The following MAST4 variants were observed in gnomAD, a reference collection of about 807,000 sequenced individuals.
MAST4 encodes the protein microtubule-associated serine/threonine-protein kinase 4.
MAST4 carries 89 observed loss-of-function variants against 162.7 expected under a neutral mutation model. The ratio of observed to expected loss-of-function variants is 0.55; its 90% confidence interval spans 0.46 to 0.65. The LOEUF is 0.65. MAST4 is among the 30% of genes least tolerant of loss of function. The pLI is 0.00. For missense variants in MAST4, 3,153 were observed against 3,374.0 expected, an observed-to-expected ratio of 0.93 and a Z score of 1.62; for synonymous variants, 1,479 against 1,361.1, an observed-to-expected ratio of 1.09 and a Z score of -1.91.
intron 4 of MAST4, among the ~76,000 whole-genome samples, chr5:66,939,753 T>A (rs1191234190): frequency 6.6e-6 from 1 of 152,132 alleles, no homozygotes; most frequent in African/African-American, 2.4e-5. Flanking sequence ...TTTTGTTTTT[T>A]TTTTTCCCCA....
chr5:66,854,547 GTTC>G (rs1183232965), intron 3 of MAST4, among the ~76,000 whole-genome samples: 1 of 152,080 alleles, frequency 6.6e-6, no homozygotes, highest in East Asian at 1.9e-4. Context: ...TCCTTGTCAT[GTTC>G]TTCTGCTCAT....
rs576708256 is a variant in MAST4 at position 67,130,477 on chromosome 5, T to C, written c.1954+59T>C. On this transcript the variant is annotated intron_variant, in intron 15 of 28. Transcript: ENST00000403625. Reference sequence around the variant, plus strand: ...AGGAATCCCTTGCTCATTTGTGTTGTTGAAGCTGTCTGTATTTGTGCCACA... The same window carrying C: ...AGGAATCCCTTGCTCATTTGTGTTGCTGAAGCTGTCTGTATTTGTGCCACA... 5.8e-6 allele frequency: 9 copies of C among 1,557,358 alleles called. No homozygotes were observed. In the East Asian group the frequency reaches 1.8e-4, roughly 31 times the overall value.
chr5:66,849,649 C>T (rs1436056611), intron 3 of MAST4, among the ~76,000 whole-genome samples: 1 of 152,144 alleles, frequency 6.6e-6, no homozygotes, highest in Non-Finnish European at 1.5e-5. Flanking sequence ...TGTGGAACTG[C>T]CTCTTGCCTG....
intron 4 of MAST4, chr5:67,005,217 G>T: frequency 1.5e-6 from 1 of 662,554 alleles, no homozygotes; most frequent in Non-Finnish European, 2.8e-6. Context: ...TTTATGCCCC[G>T]CTAGGGGAGG....
At chr5:67,023,022 A>G (rs1220917334) in intron 4 of MAST4, among the ~76,000 whole-genome samples, 4 of 152,318 alleles carry the variant, frequency 2.6e-5, no homozygotes, top group African/African-American at 9.6e-5. Flanking sequence ...GATACTTTAT[A>G]AGATGGCATG....
chr5:66,625,559 T>C (rs1413291238), intron 1 of MAST4, among the ~76,000 whole-genome samples: 1 of 151,910 alleles, frequency 6.6e-6, no homozygotes, highest in African/African-American at 2.4e-5. Flanking sequence ...AAAGAGAAAA[T>C]TTAAATGGCT....
In MAST4 at chr5:67,163,552, A is replaced by G; in HGVS notation, c.4373A>G (p.Lys1458Arg). 1 of 1,598,120 alleles carries G rather than the reference A, an allele frequency of 6.3e-7. No individual in the cohort carries two copies. Among genetic ancestry groups the G allele is most frequent in the Non-Finnish European group, 8.5e-7 (1 of 1,172,888 alleles). ...EKLSPSYGSD[K>R]KHLCSRKHSL... ...CTGTCGCCCTCTTACGGCAGTGACA[A>G]GAAGCACCTGTGCTCCCGCAAGCAC... Residue 1458 changes from lysine (K) to arginine (R), a missense_variant, in exon 29 of 29, where the codon AAG becomes AGG. Physicochemically the swap from Lys to Arg is conservative, Grantham distance 26. This residue lies in a region of MAST4 where 619 missense variants were observed against 744.2 expected (regional missense o/e 0.83). Coordinates refer to ENST00000403625, the MANE Select transcript of MAST4 (RefSeq NM_001164664.2). The surrounding 1 kb of genome is among the most constrained non-coding windows in gnomAD (Gnocchi z 7.0).
At chr5:66,905,453 T>A (rs764267301) in intron 4 of MAST4, among the ~76,000 whole-genome samples, 2 of 152,196 alleles carry the variant, frequency 1.3e-5, no homozygotes, top group Non-Finnish European at 2.9e-5. Context: ...AGAGGCAATT[T>A]AAAAGGTTTT....
chr5:67,084,647 T>A (rs1023326775), intron 5 of MAST4, among the ~76,000 whole-genome samples: 3 of 152,184 alleles, frequency 2.0e-5, no homozygotes, highest in Admixed American at 2.0e-4. Context: ...ATAAATTATT[T>A]AGAGAAAGAG....
At chr5:66,621,004 TAG>T (rs1744040100) in intron 1 of MAST4, among the ~76,000 whole-genome samples, 1 of 152,040 alleles carries the variant, frequency 6.6e-6, no homozygotes, top group Non-Finnish European at 1.5e-5. Context: ...TGTTTCTAAA[TAG>T]ATTGTTTTTT....
chr5:67,067,049 G>A (rs1760328954), intron 5 of MAST4, among the ~76,000 whole-genome samples: 1 of 152,124 alleles, frequency 6.6e-6, no homozygotes, highest in African/African-American at 2.4e-5. Flanking sequence ...TCAGTGAGAT[G>A]AATGAAGAAG....
intron 4 of MAST4, among the ~76,000 whole-genome samples, chr5:67,024,710 AC>A (rs1008452493): frequency 6.6e-5 from 10 of 152,158 alleles, no homozygotes; most frequent in African/African-American, 2.4e-4. Flanking sequence ...TGATAGGTCC[AC>A]ACATACCGAT....
At chr5:66,788,607 C>CCCCCCCACAA in intron 2 of MAST4, 63 bp from the exon 3 acceptor site, 1 of 1,373,728 alleles carries the variant, frequency 7.3e-7, no homozygotes, top group Non-Finnish European at 1.0e-6. Context: ...CCCCCACCCC[C>CCCCCCCACAA]ATTGCAATAA....
intron 6 of MAST4, among the ~76,000 whole-genome samples, chr5:67,095,042 T>A (rs1764287796): frequency 1.3e-5 from 2 of 152,218 alleles, no homozygotes; most frequent in Non-Finnish European, 2.9e-5. Flanking sequence ...TAAGGTCAGT[T>A]ACTTACTTAA....
At chr5:66,654,686 A>C (rs1413173890) in intron 1 of MAST4, among the ~76,000 whole-genome samples, 2 of 152,234 alleles carry the variant, frequency 1.3e-5, no homozygotes, top group Non-Finnish European at 1.5e-5. Context: ...AATAGAACAA[A>C]TAACTTTTCA....
At chr5:66,650,474 T>C (rs1203764570) in intron 1 of MAST4, among the ~76,000 whole-genome samples, 1 of 152,150 alleles carries the variant, frequency 6.6e-6, no homozygotes, top group Non-Finnish European at 1.5e-5. Flanking sequence ...AGCATATCAT[T>C]GTATAATATT....
chr5:66,597,592 C>T (rs1742280155), intron 1 of MAST4, among the ~76,000 whole-genome samples: 1 of 152,218 alleles, frequency 6.6e-6, no homozygotes, highest in Non-Finnish European at 1.5e-5. Flanking sequence ...TCCCCGCGCT[C>T]CCTCGGTGGC....
intron 1 of MAST4, among the ~76,000 whole-genome samples, chr5:66,684,118 A>C (rs1748491896): frequency 6.6e-6 from 1 of 152,146 alleles, no homozygotes; most frequent in Non-Finnish European, 1.5e-5. Context: ...ATGTTTAAGG[A>C]AGGTTAGTGG....
intron 11 of MAST4, among the ~76,000 whole-genome samples, chr5:67,113,366 G>A (rs1766494451): frequency 6.9e-6 from 1 of 144,640 alleles, no homozygotes; most frequent in African/African-American, 2.5e-5. Flanking sequence ...ACATTTGACA[G>A]TATCATAACA....
Sources: gnomAD v4.1 joint callset for allele counts (sites outside exome capture counted in the v4.1 genomes callset) on GRCh38, gnomAD v4.1.1 for gene constraint, gnomAD v4.1.1 regional missense constraint, Gnocchi (gnomAD v3.1) non-coding constraint, MANE v1.5 for transcripts, NCBI Gene and HGNC (gene_info 2026-07-23, HGNC 2026-07-21) for gene names.